Variants in NR2C2 observed in about 807,000 individuals in gnomAD.
The protein encoded by NR2C2 is Nuclear hormone receptor TR4.
NR2C2 carries 6 observed loss-of-function variants against 62.9 expected under a neutral mutation model. That is an observed-to-expected ratio of 0.10 (90% CI 0.05 to 0.19). The LOEUF is 0.19. Ranked by LOEUF, NR2C2 falls within the 10% of genes least tolerant of loss-of-function variation. The pLI, the probability that NR2C2 is intolerant of heterozygous loss-of-function variation, is 1.00. For synonymous variants in NR2C2, 272 were observed against 273.8 expected (o/e 0.99, Z 0.07); for missense variants, 479 against 762.7 (o/e 0.63, Z 4.38).
At chr3:15,002,645 CTTTTTTTTTTTTTTTTTT>C (rs371981775) in intron 1 of NR2C2, among the ~76,000 whole-genome samples, 1 of 39,484 alleles carries the variant, frequency 2.5e-5, no homozygotes, top group African/African-American at 8.6e-5. Context: ...TCACAATATA[CTTTTTTTTTTTTTTTTTT>C]TTTTTTTTTT....
intron 1 of NR2C2, among the ~76,000 whole-genome samples, chr3:14,953,700 C>T (rs2039435955): frequency 6.6e-6 from 1 of 152,056 alleles, no homozygotes; most frequent in Non-Finnish European, 1.5e-5. Flanking sequence ...TCAAGACCAG[C>T]CTGGCCAACA....
chr3:14,974,315 G>C (rs2040139245), intron 1 of NR2C2, among the ~76,000 whole-genome samples: 1 of 152,138 alleles, frequency 6.6e-6, no homozygotes, highest in African/African-American at 2.4e-5. Context: ...TTTTGAAATT[G>C]GGAAGTACGA....
chr3:14,985,835 C>T (rs1007464261), intron 1 of NR2C2, among the ~76,000 whole-genome samples: 1 of 152,164 alleles, frequency 6.6e-6, no homozygotes, highest in African/African-American at 2.4e-5. Context: ...TGATGGACAT[C>T]TTTATATATG....
chr3:15,010,353 TA>T (rs57560170), intron 2 of NR2C2, among the ~76,000 whole-genome samples: 16,165 of 140,526 alleles, frequency 0.12, 1,058 homozygotes, highest in African/African-American at 0.19. Context: ...AGGGTGAAGA[TA>T]AAAAAAAAAA....
chr3:14,966,456 G>A (rs961920229), intron 1 of NR2C2, among the ~76,000 whole-genome samples: 34 of 152,166 alleles, frequency 2.2e-4, no homozygotes, highest in African/African-American at 7.2e-4. Flanking sequence ...ACGTGGTGGC[G>A]CCTTCCTGTG....
intron 1 of NR2C2, among the ~76,000 whole-genome samples, chr3:14,950,443 T>TA (rs1224763915): frequency 1.3e-5 from 2 of 152,108 alleles, no homozygotes. Context: ...ATTATTTTCT[T>TA]ATCTGTGGTA....
intron 1 of NR2C2, 129 bp downstream of exon 1, chr3:14,948,035 C>A (rs1452653417): frequency 6.6e-6 from 1 of 152,192 alleles, no homozygotes; most frequent in Non-Finnish European, 1.5e-5. Flanking sequence ...GTGGCGGCGG[C>A]GGCGCCCGGC....
rs1023999476 is a variant in NR2C2 at position 15,044,248 on chromosome 3, T to C, written c.*1240T>C. The C allele has an allele frequency of 1.3e-5, 2 of 152,138 alleles. No individual in the cohort carries two copies. The highest frequency in any genetic ancestry group is 4.8e-5 in the African/African-American group (2 of 41,404). The allele number at this position is 152,138 out of a possible 1,614,324, so 9.4% of individuals were successfully genotyped here. ...CCTTAAATACCAGAGATTTTAAAAATGTGTATAGACTCAGCATCTCTGTTG... is the reference window on the plus strand; with the variant it reads ...CCTTAAATACCAGAGATTTTAAAAACGTGTATAGACTCAGCATCTCTGTTG... On this transcript the variant is annotated 3_prime_UTR_variant, in exon 14 of 14. Transcript: ENST00000425241.
chr3:14,981,602 CAAAAAA>C (rs927608192), intron 1 of NR2C2, among the ~76,000 whole-genome samples: 6 of 37,672 alleles, frequency 1.6e-4, no homozygotes, highest in Non-Finnish European at 2.5e-4. Context: ...GGCTCTGTCT[CAAAAAA>C]AAAAAAAAAA....
At position 15,024,062 on chromosome 3, in the gene NR2C2, T is replaced by C; in HGVS notation, c.705-53T>C. The C allele has an allele frequency of 5.9e-6, 7 of 1,189,732 alleles. No homozygotes were observed. In the South Asian group the frequency reaches 8.6e-5, roughly 15 times the overall value. 73.7% of individuals were successfully genotyped at this position (1,189,732 alleles called of 1,614,324 possible). On this transcript the variant is annotated intron_variant, in intron 6 of 13. Transcript: ENST00000425241. ...AGGACAGGTAAATGCAGCATGATCA[T>C]ACTGTGCATAAAATGTTGGAAGCTA... is the stretch of plus-strand genomic sequence containing the variant.
chr3:15,017,021 C>T (rs1487960274), intron 4 of NR2C2, among the ~76,000 whole-genome samples: 3 of 152,200 alleles, frequency 2.0e-5, no homozygotes, highest in Admixed American at 1.3e-4. Flanking sequence ...ATGCCAGGGG[C>T]ACAGGCCTGT....
chr3:14,975,507 G>T (rs2040178265), intron 1 of NR2C2, among the ~76,000 whole-genome samples: 1 of 152,088 alleles, frequency 6.6e-6, no homozygotes, highest in Non-Finnish European at 1.5e-5. Context: ...TTAATGAGAG[G>T]TACGTTACAT....
chr3:15,006,013 C>T (rs185994674), intron 2 of NR2C2, among the ~76,000 whole-genome samples: 1 of 152,088 alleles, frequency 6.6e-6, no homozygotes, highest in Non-Finnish European at 1.5e-5. Context: ...CGAGACCAGC[C>T]TGGGCAACAA....
At chr3:14,968,253 A>C (rs1001929943) in intron 1 of NR2C2, among the ~76,000 whole-genome samples, 1 of 152,236 alleles carries the variant, frequency 6.6e-6, no homozygotes, top group Admixed American at 6.5e-5. Flanking sequence ...ACAAAGGGCT[A>C]ATATCCAGAA....
intron 2 of NR2C2, 26 bp from the exon 3 acceptor site, chr3:15,013,563 A>G: frequency 7.5e-6 from 12 of 1,605,768 alleles, no homozygotes; most frequent in African/African-American, 1.3e-5. Flanking sequence ...ACTCCATGAG[A>G]GCAGCCTCCA....
At chr3:15,037,207 G>GTT (rs111597805) in intron 11 of NR2C2, among the ~76,000 whole-genome samples, 6,388 of 131,170 alleles carry the variant, frequency 0.049, 443 homozygotes, top group African/African-American at 0.17. Context: ...ATTGTTTTTT[G>GTT]TTTGTGTGTG....
chr3:14,963,240 A>G (rs2039739099), intron 1 of NR2C2, among the ~76,000 whole-genome samples: 1 of 152,248 alleles, frequency 6.6e-6, no homozygotes, highest in East Asian at 1.9e-4. Context: ...ATTCTGTACC[A>G]TGCCCTATGC....
chr3:14,998,475 G>A (rs2040894160), intron 1 of NR2C2, among the ~76,000 whole-genome samples: 1 of 152,112 alleles, frequency 6.6e-6, no homozygotes, highest in Admixed American at 6.6e-5. Context: ...GATATGAAGT[G>A]GTATCTCATC....
chr3:15,041,207 A>G (rs747898978), intron 13 of NR2C2, among the ~76,000 whole-genome samples: 1 of 152,084 alleles, frequency 6.6e-6, no homozygotes, highest in African/African-American at 2.4e-5. Flanking sequence ...CTTTATCTTG[A>G]TATTTACTGT....
Sources: allele counts gnomAD v4.1 joint callset (sites outside exome capture counted in the v4.1 genomes callset), GRCh38; gene constraint gnomAD v4.1.1; transcripts MANE v1.5; gene names NCBI Gene and HGNC (gene_info 2026-07-23, HGNC 2026-07-21).